Variants in TEX11 observed in about 807,000 individuals in gnomAD.
TEX11 encodes the protein testis expressed 11.
A neutral mutation model predicts 84.4 loss-of-function variants in TEX11; 7 were observed. That is an observed-to-expected ratio of 0.08 (90% confidence interval 0.05 to 0.16). The LOEUF (loss-of-function observed/expected upper bound fraction) is 0.16. Ranked by LOEUF, TEX11 falls within the 10% of genes least tolerant of loss-of-function variation. The pLI, the probability that TEX11 is intolerant of heterozygous loss-of-function variation, is 1.00. For missense variants in TEX11, 551 were observed against 660.5 expected, an observed-to-expected ratio of 0.83 and a Z score of 1.82; for synonymous variants, 264 against 222.8, an observed-to-expected ratio of 1.18 and a Z score of -1.64.
At chrX:70,588,932 C>CAAA (rs1174379817) in intron 25 of TEX11, among the ~76,000 whole-genome samples, 30 of 50,559 alleles carry the variant, frequency 5.9e-4, no homozygotes, top group Non-Finnish European at 7.0e-4. Context: ...AACCCCAACT[C>CAAA]AAAAAAAAAA....
intron 13 of TEX11, among the ~76,000 whole-genome samples, chrX:70,683,426 T>C (rs1199662474): frequency 9.0e-6 from 1 of 111,132 alleles, no homozygotes; most frequent in Non-Finnish European, 1.9e-5. Flanking sequence ...AGCCTAGGAG[T>C]TTGAGACTAG....
chrX:70,608,883 A>C (rs1408836401), intron 22 of TEX11, among the ~76,000 whole-genome samples: 2 of 112,024 alleles, frequency 1.8e-5, no homozygotes, highest in Non-Finnish European at 3.8e-5. Flanking sequence ...AGTATCTACT[A>C]TGAAAAAAGT....
chrX:70,880,034 A>G lies in TEX11; in HGVS notation c.113T>C (p.Ile38Thr). ...PEAIDRLFSD[I>T]ANINRESMAE... Reference sequence around the variant, plus strand: ...CATAGACTCCCTGTTGATATTTGCTATGTCGCTGAAGAGTCTATCAATTGC... The same window carrying G: ...CATAGACTCCCTGTTGATATTTGCTGTGTCGCTGAAGAGTCTATCAATTGC... The change falls in exon 3 of 30, where the codon ATA becomes ACA. Residue 38 changes from isoleucine (I) to threonine (T), a missense_variant. Coordinates refer to ENST00000374333, the MANE Select transcript of TEX11 (RefSeq NM_031276.3). The G allele has an allele frequency of 2.5e-6, 3 of 1,188,312 alleles. No individual in the cohort carries two copies. The highest frequency in any genetic ancestry group is 3.4e-6 in the Non-Finnish European group (3 of 877,959).
chrX:70,713,682 T>C (rs1355531076), intron 13 of TEX11, among the ~76,000 whole-genome samples: 1 of 111,392 alleles, frequency 9.0e-6, no homozygotes, highest in Non-Finnish European at 1.9e-5. Context: ...TCTTCTCTCT[T>C]TTCTTCTTTA....
rs148358478 is a variant in TEX11 at position 70,835,465 on chromosome X, G to A, written c.526-1872C>T. Among the ~76,000 whole-genome samples the A allele has an allele frequency of 7.8e-3, 876 of 112,376 alleles. 7 individuals carry two copies. The highest frequency in any genetic ancestry group is 0.027 in the African/African-American group (840 of 31,005). ...AGAAGAGGCAGCACAATACAGTGCT[G>A]TAGTAACCTTTTGTGAGCATCAGAC... On this transcript the variant is annotated intron_variant, in intron 7 of 29. Coordinates refer to ENST00000374333, the MANE Select transcript of TEX11 (RefSeq NM_031276.3).
intron 11 of TEX11, among the ~76,000 whole-genome samples, chrX:70,731,549 T>C (rs930661732): frequency 2.7e-5 from 3 of 110,894 alleles, no homozygotes; most frequent in African/African-American, 9.8e-5. Flanking sequence ...AACTAGAAAA[T>C]CTAGAAGAAA....
chrX:70,678,605 A>T (rs1228685564), intron 15 of TEX11, among the ~76,000 whole-genome samples, 199 bp downstream of exon 15: 1 of 111,052 alleles, frequency 9.0e-6, no homozygotes, highest in Non-Finnish European at 1.9e-5. Context: ...CTCAATGGAG[A>T]GGAATCATGT....
chrX:70,546,057 C>T (rs2088119029), intron 28 of TEX11, among the ~76,000 whole-genome samples: 1 of 112,028 alleles, frequency 8.9e-6, no homozygotes, highest in Non-Finnish European at 1.9e-5. Flanking sequence ...TGTGTACAAG[C>T]TGTTAAAGTT....
the TEX11 span, among the ~76,000 whole-genome samples, chrX:70,515,531 T>C: frequency 8.9e-6 from 1 of 112,375 alleles, no homozygotes; most frequent in African/African-American, 3.2e-5. Context: ...TGATGGACAT[T>C]TGGGTTGGTT....
At chrX:70,729,339 C>G (rs890050067) in intron 11 of TEX11, among the ~76,000 whole-genome samples, 5 of 111,617 alleles carry the variant, frequency 4.5e-5, no homozygotes, top group African/African-American at 1.6e-4. Context: ...TGAGAGAAGG[C>G]TTCAGACGAT....
At chrX:70,905,380 C>A (rs933785199) in intron 2 of TEX11, among the ~76,000 whole-genome samples, 3 of 111,146 alleles carry the variant, frequency 2.7e-5, no homozygotes, top group Admixed American at 1.9e-4. Context: ...CCCAGCATTT[C>A]TTTTCAGTCA....
chrX:70,560,337 A>G (rs2088350607), intron 25 of TEX11, among the ~76,000 whole-genome samples: 1 of 109,833 alleles, frequency 9.1e-6, no homozygotes, highest in Non-Finnish European at 1.9e-5. Context: ...TTTAGTAGAG[A>G]TGGGGTTTCT....
At chrX:70,748,339 A>G (rs971407664) in intron 9 of TEX11, among the ~76,000 whole-genome samples, 2 of 111,705 alleles carry the variant, frequency 1.8e-5, no homozygotes, top group African/African-American at 6.5e-5. Flanking sequence ...GAAAACAGTA[A>G]GAGAAAAATG....
Position 70,667,927 on chromosome X carries a change from C to CA in TEX11, c.1380+2449dup, listed in dbSNP as rs57809004. The stretch of plus-strand genomic sequence containing the variant: ...GGGCAACAAGAGTGAGACTCTGTCT[C>CA]AAAAAAAAAAAATAAAAAAGAAACA... On this transcript the variant is annotated intron_variant, in intron 16 of 29. Transcript: ENST00000374333. Among the ~76,000 whole-genome samples, 145 of 94,756 alleles carry CA rather than the reference C, an allele frequency of 1.5e-3. 1 individual carries two copies. Among genetic ancestry groups the CA allele is most frequent in the Middle Eastern group, 5.4e-3 (1 of 185 alleles). 82.3% of individuals were successfully genotyped at this position (94,756 alleles called of 115,157 possible).
rs1569462944 is a variant in TEX11 at position 70,897,159 on chromosome X, T to TATATTTATAGATATATATTATATATAAC, written c.37+10593_37+10594insGTTATATATAATATATATCTATAAATAT. Among the ~76,000 whole-genome samples the TATATTTATAGATATATATTATATATAAC allele has an allele frequency of 2.9e-3, 133 of 46,084 alleles. 5 individuals are homozygous for TATATTTATAGATATATATTATATATAAC. Among genetic ancestry groups the TATATTTATAGATATATATTATATATAAC allele is most frequent in the Middle Eastern group, 0.016 (1 of 63 alleles). The allele number at this position is 46,084 out of a possible 115,157, so 40.0% of individuals were successfully genotyped here. A position where few individuals can be genotyped will look rare whatever the true frequency, so the allele number is the denominator to read the frequency against. On this transcript the variant is annotated intron_variant, in intron 2 of 29. Transcript: ENST00000374333. Reference sequence around the variant, plus strand: ...AAATAGATATATATTATATATAACATATATATTTTTATATATATGTTATAT... The same window carrying TATATTTATAGATATATATTATATATAAC: ...AAATAGATATATATTATATATAACATATATTTATAGATATATATTATATATAACATATATTTTTATATATATGTTATAT...
chrX:70,702,793 GT>G (rs1425149848), intron 13 of TEX11, among the ~76,000 whole-genome samples: 1 of 111,248 alleles, frequency 9.0e-6, no homozygotes, highest in African/African-American at 3.3e-5. Context: ...TTCCTGTAAT[GT>G]CACCTTTTGA....
intron 5 of TEX11, among the ~76,000 whole-genome samples, chrX:70,859,689 G>A (rs891034900): frequency 9.2e-6 from 1 of 108,302 alleles, no homozygotes; most frequent in Non-Finnish European, 1.9e-5. Flanking sequence ...ACATACATTT[G>A]TATTTTGGGG....
At chrX:70,830,080 TA>T (rs1184909367) in intron 8 of TEX11, among the ~76,000 whole-genome samples, 1 of 108,794 alleles carries the variant, frequency 9.2e-6, no homozygotes, top group African/African-American at 3.3e-5. Context: ...CTGAATGGAT[TA>T]AAAAAAAACA....
chrX:70,894,465 A>G (rs2091756324), intron 2 of TEX11, among the ~76,000 whole-genome samples: 2 of 110,404 alleles, frequency 1.8e-5, no homozygotes, highest in Admixed American at 9.7e-5. Context: ...GTCTCTACTA[A>G]GAATACAAAA....
Sources: gnomAD v4.1 joint callset for allele counts (sites outside exome capture counted in the v4.1 genomes callset) on GRCh38, gnomAD v4.1.1 for gene constraint, MANE v1.5 for transcripts, NCBI Gene and HGNC (gene_info 2026-07-23, HGNC 2026-07-21) for gene names.